KAZN: variants seen among roughly 807,000 people sequenced by gnomAD.
KAZN encodes kazrin, periplakin interacting protein.
KAZN carries 40 observed loss-of-function variants against 87.4 expected under a neutral mutation model. That is an observed-to-expected ratio of 0.46 (90% CI 0.36 to 0.60). The LOEUF is 0.60. Ranked by LOEUF, KAZN falls within the 20% of genes least tolerant of loss-of-function variation. KAZN has a pLI of 0.00. For missense variants in KAZN, 898 were observed against 1,073.9 expected, an observed-to-expected ratio of 0.84 and a Z score of 2.29; for synonymous variants, 466 against 458.3, an observed-to-expected ratio of 1.02 and a Z score of -0.22.
At chr1:13,925,296 T>G (rs1640231001) in intron 1 of KAZN, among the ~76,000 whole-genome samples, 1 of 152,270 alleles carries the variant, frequency 6.6e-6, no homozygotes, top group Non-Finnish European at 1.5e-5. Context: ...GGTATAGTTC[T>G]TTATACTTTG....
In KAZN at chr1:14,895,361, G is replaced by A. The variant is rs1005957604; in HGVS notation, c.227-65323G>A. Reference sequence around the variant, plus strand: ...ACCGCCCTTGATTAGCATAAGCAACGTGCTTTCCTTGGCTGAGTCTGGAGC... The same window carrying A: ...ACCGCCCTTGATTAGCATAAGCAACATGCTTTCCTTGGCTGAGTCTGGAGC... On this transcript the variant is annotated intron_variant, in intron 1 of 14. Transcript: ENST00000376030. Among the ~76,000 whole-genome samples, 9 of 152,240 alleles carry A rather than the reference G, an allele frequency of 5.9e-5. No homozygotes were observed. The East Asian group carries it at 9.6e-4, about 16-fold the overall frequency.
Position 13,949,304 on chromosome 1 carries a change from G to T in KAZN, c.91+55548G>T, listed in dbSNP as rs1227069326. 3.3e-5 allele frequency among the ~76,000 whole-genome samples: 3 copies of T among 90,118 alleles called. No homozygotes were observed. In the South Asian group the frequency reaches 1.7e-3, roughly 52 times the overall value. The allele number at this position is 90,118 out of a possible 152,430, so 59.1% of individuals were successfully genotyped here. A position where few individuals can be genotyped will look rare whatever the true frequency, so the allele number is the denominator to read the frequency against. On this transcript the variant is annotated intron_variant, in intron 1 of 16. Coordinates refer to the KAZN transcript ENST00000636203. Reference sequence around the variant, plus strand: ...TGAATCATTCCCAAGAACATCCCATGAGCTCTTGTACTTGGAGACAATTTC... The same window carrying T: ...TGAATCATTCCCAAGAACATCCCATTAGCTCTTGTACTTGGAGACAATTTC...
intron 2 of KAZN, among the ~76,000 whole-genome samples, chr1:14,963,467 T>C (rs1184246417): frequency 1.3e-5 from 2 of 152,182 alleles, no homozygotes; most frequent in Admixed American, 6.5e-5. Flanking sequence ...CCTCTGGGTA[T>C]GGTCGCAGGG....
intron 8 of KAZN, among the ~76,000 whole-genome samples, chr1:15,082,188 C>A (rs890811260): frequency 6.6e-6 from 1 of 152,142 alleles, no homozygotes; most frequent in African/African-American, 2.4e-5. Flanking sequence ...AGGTCTGAGA[C>A]CCTATGGGGC....
At chr1:13,904,834 A>G (rs140671801) in intron 1 of KAZN, among the ~76,000 whole-genome samples, 4 of 152,224 alleles carry the variant, frequency 2.6e-5, no homozygotes, top group African/African-American at 9.6e-5. Context: ...TCAGTTACTT[A>G]TTTCTTTGAA....
chr1:14,239,462 T>TTTC (rs2100571210), intron 2 of KAZN, among the ~76,000 whole-genome samples: 1 of 146,678 alleles, frequency 6.8e-6, no homozygotes, highest in Non-Finnish European at 1.5e-5. Context: ...TTTCTTTTTT[T>TTTC]TTTTTTTTTT....
chr1:14,866,439 T>C (rs1353708825), intron 1 of KAZN, among the ~76,000 whole-genome samples: 2 of 151,964 alleles, frequency 1.3e-5, no homozygotes, highest in African/African-American at 4.8e-5. Context: ...TACAAGAATT[T>C]GTGGAAGGGT....
chr1:15,081,508 C>T lies in KAZN; in HGVS notation c.1223-12672C>T, dbSNP rs1055827632. On this transcript the variant is annotated intron_variant, in intron 8 of 14. Coordinates refer to ENST00000376030, the MANE Select transcript of KAZN (RefSeq NM_201628.3). This position sits in a 1 kb window ranked among gnomAD's most constrained non-coding sequence, Gnocchi z 4.1. ...TTCATCGAATAATTACACAACTGTT[C>T]GTTTCAGCTGTGAGAGATGTCATGC... Among the ~76,000 whole-genome samples the T allele has an allele frequency of 3.3e-5, 5 of 152,014 alleles. No individual in the cohort carries two copies. Among genetic ancestry groups the T allele is most frequent in the Admixed American group, 2.0e-4 (3 of 15,262 alleles).
intron 2 of KAZN, among the ~76,000 whole-genome samples, chr1:14,372,280 T>A (rs1660551474): frequency 6.6e-6 from 1 of 152,230 alleles, no homozygotes. Flanking sequence ...ATTTAAAAAA[T>A]TTAAATGTCT....
intron 1 of KAZN, among the ~76,000 whole-genome samples, chr1:14,888,164 A>G (rs935560508): frequency 1.3e-5 from 2 of 152,198 alleles, no homozygotes; most frequent in African/African-American, 4.8e-5. Flanking sequence ...TGTGAAGTCC[A>G]CAGTGAGCGT....
chr1:14,591,418 AACACACACACAC>A (rs36060158), intron 2 of KAZN, among the ~76,000 whole-genome samples: 6 of 147,392 alleles, frequency 4.1e-5, no homozygotes, highest in African/African-American at 7.5e-5. Context: ...GGAAAGAAGA[AACACACACACAC>A]ACACACACAC....
At chr1:14,242,071 G>A (rs1316911168) in intron 2 of KAZN, among the ~76,000 whole-genome samples, 1 of 152,180 alleles carries the variant, frequency 6.6e-6, no homozygotes, top group Admixed American at 6.5e-5. Context: ...TCATCTTAAA[G>A]ATGCTCTCCA....
At chr1:14,558,810 GC>G (rs1674076693) in intron 2 of KAZN, among the ~76,000 whole-genome samples, 1 of 152,150 alleles carries the variant, frequency 6.6e-6, no homozygotes, top group South Asian at 2.1e-4. Context: ...TTCCGGTTAA[GC>G]ATCTTTTTGT....
intron 1 of KAZN, among the ~76,000 whole-genome samples, chr1:14,626,077 C>T (rs1020130120): frequency 1.3e-5 from 2 of 152,216 alleles, no homozygotes; most frequent in East Asian, 1.9e-4. Flanking sequence ...TTCCTTCCTT[C>T]GTTCTCATAC....
chr1:14,944,174 G>A (rs368776439), intron 1 of KAZN, among the ~76,000 whole-genome samples: 5 of 148,666 alleles, frequency 3.4e-5, no homozygotes, highest in African/African-American at 1.2e-4. Flanking sequence ...AGACATAAAG[G>A]TAACTCGGGG....
At chr1:14,365,067 G>A (rs557179189) in intron 2 of KAZN, among the ~76,000 whole-genome samples, 56 of 149,638 alleles carry the variant, frequency 3.7e-4, no homozygotes, top group Non-Finnish European at 5.0e-4. Flanking sequence ...TTTTTGTGAC[G>A]GAGTCTCACT....
At chr1:14,673,541 A>G (rs889683792) in intron 1 of KAZN, among the ~76,000 whole-genome samples, 1 of 152,138 alleles carries the variant, frequency 6.6e-6, no homozygotes, top group Non-Finnish European at 1.5e-5. Context: ...GCGTCCTTCG[A>G]GATCATCAGG....
chr1:14,540,996 T>C (rs988855650), intron 2 of KAZN, among the ~76,000 whole-genome samples: 2 of 152,210 alleles, frequency 1.3e-5, no homozygotes, highest in East Asian at 3.9e-4. Context: ...AGAGATCAAA[T>C]GCAAATTCTT....
At chr1:14,957,560 C>A (rs1462824762) in intron 1 of KAZN, among the ~76,000 whole-genome samples, 1 of 152,208 alleles carries the variant, frequency 6.6e-6, no homozygotes, top group Non-Finnish European at 1.5e-5. Context: ...CACGTCACTA[C>A]GGGGTTTTGT....
Sources: allele counts gnomAD v4.1 joint callset (sites outside exome capture counted in the v4.1 genomes callset), GRCh38; gene constraint gnomAD v4.1.1; non-coding constraint Gnocchi (gnomAD v3.1); transcripts MANE v1.5; gene names NCBI Gene and HGNC (gene_info 2026-07-23, HGNC 2026-07-21).